The following SLC4A10 variants were observed in gnomAD, a reference collection of about 807,000 sequenced individuals.
SLC4A10 encodes sodium-driven chloride bicarbonate exchanger.
In SLC4A10, 42 loss-of-function variants were observed where a neutral mutation model predicts 137.7. The observed-to-expected ratio is 0.30, with a 90% CI of 0.24 to 0.39. SLC4A10 has a LOEUF of 0.39. Ranked by LOEUF, SLC4A10 falls within the 10% of genes least tolerant of loss-of-function variation. SLC4A10 has a pLI of 1.00. For missense variants in SLC4A10, 925 were observed against 1,355.0 expected (o/e 0.68, Z 4.98); for synonymous variants, 474 against 464.1 (o/e 1.02, Z -0.27).
intron 2 of SLC4A10, among the ~76,000 whole-genome samples, chr2:161,783,553 A>C (rs1305001137): frequency 6.6e-6 from 1 of 152,042 alleles, no homozygotes; most frequent in East Asian, 1.9e-4. Flanking sequence ...TTCAATAACT[A>C]AAATACTTTT....
At chr2:161,668,294 A>G (rs1487598541) in intron 1 of SLC4A10, among the ~76,000 whole-genome samples, 1 of 151,842 alleles carries the variant, frequency 6.6e-6, no homozygotes, top group Non-Finnish European at 1.5e-5. Context: ...GAAGGCATCA[A>G]GAAAATTTAG....
intron 26 of SLC4A10, among the ~76,000 whole-genome samples, chr2:161,981,299 C>T (rs1257531534): frequency 6.6e-6 from 1 of 152,202 alleles, no homozygotes; most frequent in Admixed American, 6.5e-5. Flanking sequence ...TATCTCTGTC[C>T]TACAATCTCC....
chr2:161,876,524 G>GA (rs1292189081), intron 8 of SLC4A10, among the ~76,000 whole-genome samples: 3 of 151,844 alleles, frequency 2.0e-5, no homozygotes, highest in Non-Finnish European at 2.9e-5. Flanking sequence ...ACAAAATCTA[G>GA]AAAAAATCAG....
At chr2:161,805,966 C>A (rs1184851066) in intron 3 of SLC4A10, among the ~76,000 whole-genome samples, 3 of 152,168 alleles carry the variant, frequency 2.0e-5, no homozygotes, top group African/African-American at 7.2e-5. Flanking sequence ...AGGGCCCTGC[C>A]CCTGAAGCAA....
rs565568462 is a variant in SLC4A10 at position 161,643,559 on chromosome 2, GGTATA to G, written c.48+18994_48+18998del. Reference sequence around the variant, plus strand: ...GTTTAAAAATGCTTTACATAGAAATGGTATATATCTTACATATGACAAAAGAGATA... The same window carrying G: ...GTTTAAAAATGCTTTACATAGAAATGTATCTTACATATGACAAAAGAGATA... On this transcript the variant is annotated intron_variant, in intron 1 of 26. Transcript: ENST00000446997. 1.1e-4 allele frequency among the ~76,000 whole-genome samples: 17 copies of G among 152,010 alleles called. No homozygotes were observed. The South Asian group carries it at 3.5e-3, about 32-fold the overall frequency.
chr2:161,928,725 C>T (rs1393768153), intron 15 of SLC4A10, among the ~76,000 whole-genome samples: 2 of 150,504 alleles, frequency 1.3e-5, no homozygotes, highest in African/African-American at 2.4e-5. Context: ...TCAGTGTAGC[C>T]TTGGATAAGT....
intron 1 of SLC4A10, among the ~76,000 whole-genome samples, chr2:161,690,132 AGG>A (rs1323129284): frequency 6.6e-6 from 1 of 152,352 alleles, no homozygotes; most frequent in African/African-American, 2.4e-5. Context: ...AAAGTGGGTA[AGG>A]GACATGAACA....
chr2:161,963,074 C>G (rs1697001862), intron 21 of SLC4A10, among the ~76,000 whole-genome samples: 1 of 151,970 alleles, frequency 6.6e-6, no homozygotes. Flanking sequence ...GTTGGAAACA[C>G]TGAAAATTGC....
At chr2:161,836,433 G>A (rs1414204025) in intron 3 of SLC4A10, among the ~76,000 whole-genome samples, 1 of 151,940 alleles carries the variant, frequency 6.6e-6, no homozygotes, top group Non-Finnish European at 1.5e-5. Flanking sequence ...GGGAGGCAGA[G>A]GTTGTAGTGA....
chr2:161,657,645 G>T (rs903669629), intron 1 of SLC4A10, among the ~76,000 whole-genome samples: 1 of 151,786 alleles, frequency 6.6e-6, no homozygotes, highest in African/African-American at 2.4e-5. Flanking sequence ...ACAATGATGG[G>T]TCTTTATGAT....
chr2:161,761,032 T>C (rs1310852167), intron 1 of SLC4A10, among the ~76,000 whole-genome samples: 1 of 152,040 alleles, frequency 6.6e-6, no homozygotes, highest in East Asian at 1.9e-4. Flanking sequence ...CAAACATTTA[T>C]TGAAAACCTA....
intron 15 of SLC4A10, among the ~76,000 whole-genome samples, chr2:161,919,901 G>T (rs931984637): frequency 6.6e-6 from 1 of 152,138 alleles, no homozygotes; most frequent in Non-Finnish European, 1.5e-5. Flanking sequence ...CCTCTTTGGG[G>T]CTCTGCAGTT....
chr2:161,961,280 T>G (rs919255650), intron 21 of SLC4A10, among the ~76,000 whole-genome samples: 1 of 152,062 alleles, frequency 6.6e-6, no homozygotes, highest in Non-Finnish European at 1.5e-5. Flanking sequence ...TGGCTGCCAG[T>G]CTGGGGGAAA....
At chr2:161,860,557 G>A (rs1313573477) in intron 5 of SLC4A10, among the ~76,000 whole-genome samples, 4 of 151,918 alleles carry the variant, frequency 2.6e-5, no homozygotes, top group African/African-American at 7.3e-5. Flanking sequence ...TTCCATCTTA[G>A]CAAGGTTTCA....
chr2:161,925,729 C>T, intron 15 of SLC4A10, among the ~76,000 whole-genome samples: 1 of 151,982 alleles, frequency 6.6e-6, no homozygotes, highest in East Asian at 1.9e-4. Flanking sequence ...TTGAATGTGT[C>T]CCAGAGATTC....
At position 161,873,530 on chromosome 2, in the gene SLC4A10, CAAAAAA is replaced by C. The variant is rs759717096; in HGVS notation, c.859-365_859-360del. On this transcript the variant is annotated intron_variant, in intron 7 of 26. Coordinates refer to ENST00000446997, the MANE Select transcript of SLC4A10 (RefSeq NM_001178015.2). ...TGGGTGACAGAGTGAGACCACATCT[CAAAAAA>C]AAAAAAAAAAAAAAAAAAAAGACAA... 1.7e-4 allele frequency among the ~76,000 whole-genome samples: 3 copies of C among 17,324 alleles called. No homozygotes were observed. In the East Asian group the frequency reaches 3.2e-3, roughly 18 times the overall value. The allele number at this position is 17,324 out of a possible 152,430, so 11.4% of individuals were successfully genotyped here. A position where few individuals can be genotyped will look rare whatever the true frequency, so the allele number is the denominator to read the frequency against.
chr2:161,631,115 T>G (rs1374102013), intron 1 of SLC4A10, among the ~76,000 whole-genome samples: 1 of 151,586 alleles, frequency 6.6e-6, no homozygotes, highest in African/African-American at 2.4e-5. Context: ...ATAAAGTAGA[T>G]TAGGGGTTGC....
At position 161,947,547 on chromosome 2, in the gene SLC4A10, G is replaced by A; in HGVS notation, c.2104-19G>A. The A allele has an allele frequency of 6.2e-7, 1 of 1,605,214 alleles. No homozygotes were observed. Among genetic ancestry groups the A allele is most frequent in the Non-Finnish European group, 8.5e-7 (1 of 1,176,304 alleles). On this transcript the variant is annotated intron_variant, in intron 16 of 26. Transcript: ENST00000446997. ...CGGTTTTTTCTTAGTAGCTCCATTT[G>A]TTTTACTTCCTCTGGCAGGAATGCA...
chr2:161,907,055 CAAAAAA>C (rs556899761), intron 15 of SLC4A10, among the ~76,000 whole-genome samples: 1 of 90,886 alleles, frequency 1.1e-5, no homozygotes, highest in Non-Finnish European at 2.4e-5. Flanking sequence ...GACTCCGTCT[CAAAAAA>C]AAAAAAAAAA....
Sources: allele counts gnomAD v4.1 joint callset (sites outside exome capture counted in the v4.1 genomes callset), GRCh38; gene constraint gnomAD v4.1.1; transcripts MANE v1.5; gene names NCBI Gene and HGNC (gene_info 2026-07-23, HGNC 2026-07-21).